The following MGAT4C variants were observed in gnomAD, a reference collection of about 807,000 sequenced individuals.
MGAT4C encodes the protein alpha-1,3-mannosyl-glycoprotein 4-beta-N-acetylglucosaminyltransferase C.
In MGAT4C, 19 loss-of-function variants were observed where a neutral mutation model predicts 40.1. The ratio of observed to expected loss-of-function variants is 0.47; its 90% CI spans 0.33 to 0.70. MGAT4C has a LOEUF of 0.70. Ranked by LOEUF, MGAT4C falls within the 30% of genes least tolerant of loss-of-function variation. The pLI, the probability that MGAT4C is intolerant of heterozygous loss-of-function variation, is 0.02. For synonymous variants in MGAT4C, 181 were observed against 187.1 expected, an observed-to-expected ratio of 0.97 and a Z score of 0.27; for missense variants, 491 against 563.2, an observed-to-expected ratio of 0.87 and a Z score of 1.30.
intron 1 of MGAT4C, among the ~76,000 whole-genome samples, chr12:86,203,806 A>G (rs1950141498): frequency 1.3e-5 from 2 of 151,726 alleles, no homozygotes; most frequent in South Asian, 4.2e-4. Flanking sequence ...ACCAATACAA[A>G]ATTAGCTGGG....
At chr12:86,456,294 A>C (rs998378145) in intron 2 of MGAT4C, among the ~76,000 whole-genome samples, 1 of 152,092 alleles carries the variant, frequency 6.6e-6, no homozygotes, top group Non-Finnish European at 1.5e-5. Context: ...GATAAAAAAA[A>C]TTTGGGCAGC....
intron 2 of MGAT4C, among the ~76,000 whole-genome samples, chr12:86,582,275 A>G (rs1485860759): frequency 2.6e-5 from 4 of 151,484 alleles, no homozygotes; most frequent in Middle Eastern, 6.8e-3. Flanking sequence ...TAATTTTTTT[A>G]GAATGTTATA....
chr12:86,058,945 G>A (rs1031314536), intron 1 of MGAT4C, among the ~76,000 whole-genome samples: 2 of 151,948 alleles, frequency 1.3e-5, no homozygotes, highest in Non-Finnish European at 2.9e-5. Flanking sequence ...AATATAAGTA[G>A]ATTTAAAGAA....
At chr12:86,066,439 G>GAA (rs1410011070) in intron 1 of MGAT4C, among the ~76,000 whole-genome samples, 7 of 146,854 alleles carry the variant, frequency 4.8e-5, no homozygotes, top group African/African-American at 1.8e-4. Flanking sequence ...TGACAAACCT[G>GAA]AAAAAAAAAA....
rs111725147 is a variant in MGAT4C, at chr12:86,456,846, C to T, written c.-228-21581G>A. Reference sequence around the variant, plus strand: ...AAATCTTGCATTATGAGCTCTCTATCTTACATCCTGTCAGGAAGGGCTATC... The same window carrying T: ...AAATCTTGCATTATGAGCTCTCTATTTTACATCCTGTCAGGAAGGGCTATC... On this transcript the variant is annotated intron_variant, in intron 2 of 7. Coordinates refer to the MGAT4C transcript ENST00000548651. 6.5e-3 allele frequency among the ~76,000 whole-genome samples: 984 copies of T among 152,182 alleles called. 10 individuals are homozygous for T. Among genetic ancestry groups the T allele is most frequent in the African/African-American group, 0.023 (940 of 41,542 alleles).
chr12:86,456,581 G>T (rs560520493), intron 2 of MGAT4C, among the ~76,000 whole-genome samples: 1 of 152,144 alleles, frequency 6.6e-6, no homozygotes, highest in South Asian at 2.1e-4. Context: ...TTTCATTATA[G>T]AATATAATCT....
chr12:86,363,477 A>G (rs1440973806), intron 3 of MGAT4C, among the ~76,000 whole-genome samples: 1 of 152,104 alleles, frequency 6.6e-6, no homozygotes, highest in Non-Finnish European at 1.5e-5. Flanking sequence ...TGGGGGGAAA[A>G]TTTATAGCAT....
intron 2 of MGAT4C, among the ~76,000 whole-genome samples, chr12:86,475,375 A>C (rs564502357): frequency 6.6e-6 from 1 of 152,174 alleles, no homozygotes; most frequent in South Asian, 2.1e-4. Context: ...ATTGACAAAA[A>C]TTTATATATT....
intron 1 of MGAT4C, among the ~76,000 whole-genome samples, chr12:86,143,755 A>C (rs975845066): frequency 1.2e-4 from 18 of 152,208 alleles, no homozygotes; most frequent in Admixed American, 6.5e-4. Flanking sequence ...AAGTAAGAAG[A>C]AAAGAAAGAA....
At chr12:86,642,348 C>A (rs1369965881) in intron 2 of MGAT4C, among the ~76,000 whole-genome samples, 1 of 151,788 alleles carries the variant, frequency 6.6e-6, no homozygotes, top group Non-Finnish European at 1.5e-5. Context: ...CCATTGGCAA[C>A]ACTTCATGGA....
rs79987601 is a variant in MGAT4C at position 86,091,203 on chromosome 12, T to C, written c.-56-41480A>G. Among the ~76,000 whole-genome samples, 1,164 of 152,102 alleles carry C rather than the reference T, an allele frequency of 7.7e-3. 11 individuals carry two copies. Among genetic ancestry groups the C allele is most frequent in the African/African-American group, 0.027 (1,119 of 41,518 alleles). ...GACATTTCTTTAAAAAATGAATTTA[T>C]TAGGAAGGAAAGAATAAAAGCAGTA... On this transcript the variant is annotated intron_variant, in intron 1 of 4. Transcript: ENST00000611864.
intron 1 of MGAT4C, among the ~76,000 whole-genome samples, chr12:86,100,449 T>C (rs1427598661): frequency 6.6e-6 from 1 of 151,470 alleles, no homozygotes; most frequent in African/African-American, 2.4e-5. Context: ...AGGTTAATGA[T>C]TTTTTACAGG....
Position 86,321,572 on chromosome 12 carries a change from C to T in MGAT4C, c.-57+12493G>A, listed in dbSNP as rs114626866. Among the ~76,000 whole-genome samples the T allele has an allele frequency of 2.4e-3, 361 of 152,200 alleles. 1 individual carries two copies. The highest frequency in any genetic ancestry group is 8.1e-3 in the African/African-American group (336 of 41,548). ...ATACTAGCTGAATGCTTTTAAAATG[C>T]TGAAAATGGCCGCCAGAAAATATAT... is the stretch of plus-strand genomic sequence containing the variant. On this transcript the variant is annotated intron_variant, in intron 4 of 7. Coordinates refer to the MGAT4C transcript ENST00000548651.
chr12:86,537,278 G>A lies in MGAT4C; in HGVS notation c.-228-102013C>T, dbSNP rs192244933. 1.9e-4 allele frequency among the ~76,000 whole-genome samples: 29 copies of A among 152,030 alleles called. No homozygotes were observed. The East Asian group carries it at 4.8e-3, about 25-fold the overall frequency. On this transcript the variant is annotated intron_variant, in intron 2 of 7. Coordinates refer to the MGAT4C transcript ENST00000548651. ...GGAGATACACCTAACATTAAATGAC[G>A]AGTTAATGGGTGCAGCACACCAACA...
intron 2 of MGAT4C, among the ~76,000 whole-genome samples, chr12:86,571,813 G>A (rs1013976737): frequency 6.6e-6 from 1 of 152,040 alleles, no homozygotes; most frequent in African/African-American, 2.4e-5. Flanking sequence ...ATGAGTTTAA[G>A]GTCAAAGACA....
At chr12:86,037,492 T>G (rs1000771447) in intron 2 of MGAT4C, among the ~76,000 whole-genome samples, 9 of 150,298 alleles carry the variant, frequency 6.0e-5, no homozygotes, top group Non-Finnish European at 1.2e-4. Flanking sequence ...ATGTTGTGTC[T>G]TTGTTCTCAC....
chr12:86,192,613 A>G (rs1889645672), intron 1 of MGAT4C, among the ~76,000 whole-genome samples: 2 of 152,184 alleles, frequency 1.3e-5, no homozygotes, highest in South Asian at 2.1e-4. Flanking sequence ...GAGTTGCACT[A>G]TACTCCAAAA....
chr12:86,194,634 T>G (rs1344720454), intron 1 of MGAT4C, among the ~76,000 whole-genome samples: 3 of 149,854 alleles, frequency 2.0e-5, no homozygotes, highest in Admixed American at 6.7e-5. Context: ...TTTTTTTTTT[T>G]TGTATTTTTA....
intron 1 of MGAT4C, among the ~76,000 whole-genome samples, chr12:86,186,344 T>A (rs1178548815): frequency 6.6e-6 from 1 of 152,206 alleles, no homozygotes; most frequent in Non-Finnish European, 1.5e-5. Context: ...TATCAATTAA[T>A]AACTGACATG....
Sources: allele counts gnomAD v4.1 joint callset (sites outside exome capture counted in the v4.1 genomes callset), GRCh38; gene constraint gnomAD v4.1.1; transcripts MANE v1.5; gene names NCBI Gene and HGNC (gene_info 2026-07-23, HGNC 2026-07-21).